STXBP5L: variants seen among roughly 807,000 people sequenced by gnomAD.
STXBP5L encodes the protein syntaxin-binding protein 5-like.
STXBP5L carries 65 observed loss-of-function variants against 144.5 expected under a neutral mutation model. The observed-to-expected ratio is 0.45, with a 90% confidence interval of 0.37 to 0.55. STXBP5L has a LOEUF of 0.55. Among genes scored for constraint, STXBP5L ranks in the 20% least tolerant of loss-of-function variants. The pLI, the probability that STXBP5L is intolerant of heterozygous loss-of-function variation, is 0.00. For synonymous variants in STXBP5L, 505 were observed against 469.6 expected (o/e 1.08, Z -0.97); for missense variants, 1,298 against 1,405.5 (o/e 0.92, Z 1.22).
rs761268477 is a variant in STXBP5L, at chr3:121,257,111, CGAT to C, written c.1660-46_1660-44del. ...TATTATGACTTAGATTAAATTAAAACGATGATTATTAGTGTGACTTAAATTAAA... is the reference window on the plus strand; with the variant it reads ...TATTATGACTTAGATTAAATTAAAACGATTATTAGTGTGACTTAAATTAAA... On this transcript the variant is annotated intron_variant, in intron 16 of 26. Transcript: ENST00000471454. 61 of 1,338,042 alleles carry C rather than the reference CGAT, an allele frequency of 4.6e-5. 1 individual carries two copies. The South Asian group carries it at 7.2e-4, about 16-fold the overall frequency. The allele number at this position is 1,338,042 out of a possible 1,614,324, so 82.9% of individuals were successfully genotyped here. A position where few individuals can be genotyped will look rare whatever the true frequency, so the allele number is the denominator to read the frequency against.
chr3:121,029,992 C>G lies in STXBP5L; in HGVS notation c.288-11708C>G, dbSNP rs751244276. Among the ~76,000 whole-genome samples, 8 of 152,240 alleles carry G rather than the reference C, an allele frequency of 5.3e-5. No individual in the cohort carries two copies. The South Asian group carries it at 1.0e-3, about 20-fold the overall frequency. ...ACTACAATGAGATACCATCTCATGCCAGTTACAATGGTGATTATTAAAAAG... is the reference window on the plus strand; with the variant it reads ...ACTACAATGAGATACCATCTCATGCGAGTTACAATGGTGATTATTAAAAAG... On this transcript the variant is annotated intron_variant, in intron 3 of 26. Coordinates refer to ENST00000471454, the MANE Select transcript of STXBP5L (RefSeq NM_001308330.2).
chr3:121,196,681 G>A (rs2047932213), intron 9 of STXBP5L, among the ~76,000 whole-genome samples: 1 of 149,940 alleles, frequency 6.7e-6, no homozygotes, highest in Non-Finnish European at 1.5e-5. Flanking sequence ...TCCTTGTTTT[G>A]AGACAGGGTC....
At chr3:121,319,058 G>A (rs754416003) in intron 20 of STXBP5L, among the ~76,000 whole-genome samples, 15 of 152,022 alleles carry the variant, frequency 9.9e-5, no homozygotes, top group Non-Finnish European at 2.1e-4. Context: ...TGAGAATAAA[G>A]ATTCCTAGGG....
intron 6 of STXBP5L, among the ~76,000 whole-genome samples, chr3:121,117,954 A>G (rs1218498111): frequency 6.6e-6 from 1 of 151,812 alleles, no homozygotes; most frequent in Non-Finnish European, 1.5e-5. Context: ...GTGATAGCAT[A>G]GAAACAGCTA....
chr3:121,129,887 G>A (rs1051964417), intron 7 of STXBP5L, among the ~76,000 whole-genome samples: 3 of 152,022 alleles, frequency 2.0e-5, no homozygotes, highest in Admixed American at 6.6e-5. Context: ...TACCAGATAT[G>A]AAGATTTTGA....
chr3:121,392,799 ATATATATATC>A (rs1560050857), intron 22 of STXBP5L, among the ~76,000 whole-genome samples: 1 of 121,664 alleles, frequency 8.2e-6, no homozygotes, highest in Non-Finnish European at 1.8e-5. Flanking sequence ...ATATATATAT[ATATATATATC>A]ACATTTTTAA....
intron 20 of STXBP5L, among the ~76,000 whole-genome samples, chr3:121,339,196 C>G (rs990756845): frequency 2.0e-5 from 3 of 152,084 alleles, no homozygotes; most frequent in Non-Finnish European, 4.4e-5. Context: ...CTAAACCCAA[C>G]AGCACATCAA....
chr3:121,314,641 G>A (rs1490317047), intron 19 of STXBP5L, among the ~76,000 whole-genome samples: 1 of 150,994 alleles, frequency 6.6e-6, no homozygotes, highest in African/African-American at 2.4e-5. Context: ...GAGAGCGTAA[G>A]CGTAAACTAA....
intron 9 of STXBP5L, among the ~76,000 whole-genome samples, chr3:121,189,348 G>A (rs1270783264): frequency 1.3e-5 from 2 of 152,186 alleles, no homozygotes; most frequent in African/African-American, 4.8e-5. Context: ...GGTTTTTACT[G>A]TTTTAGGTCT....
chr3:121,050,080 C>G (rs899640863), intron 5 of STXBP5L, among the ~76,000 whole-genome samples: 2 of 152,142 alleles, frequency 1.3e-5, no homozygotes, highest in African/African-American at 4.8e-5. Context: ...TTGCTCTTCT[C>G]TGTTCACTGT....
At chr3:120,932,051 A>G (rs1457946524) in intron 2 of STXBP5L, among the ~76,000 whole-genome samples, 1 of 152,212 alleles carries the variant, frequency 6.6e-6, no homozygotes, top group Non-Finnish European at 1.5e-5. Context: ...TTATAAACCT[A>G]TATAGCATGT....
At chr3:121,186,221 T>A (rs2047376077) in intron 9 of STXBP5L, among the ~76,000 whole-genome samples, 1 of 152,210 alleles carries the variant, frequency 6.6e-6, no homozygotes, top group Non-Finnish European at 1.5e-5. Flanking sequence ...GTTTTCTAGA[T>A]ATATAATCAT....
chr3:121,277,734 T>C (rs181005909), intron 18 of STXBP5L, among the ~76,000 whole-genome samples: 126 of 152,166 alleles, frequency 8.3e-4, no homozygotes, highest in Non-Finnish European at 1.5e-3. Context: ...TGTGCCTTTT[T>C]TTAGTAGTGT....
At chr3:121,106,213 G>A (rs1489962560) in intron 5 of STXBP5L, among the ~76,000 whole-genome samples, 1 of 151,968 alleles carries the variant, frequency 6.6e-6, no homozygotes, top group Admixed American at 6.6e-5. Context: ...GAAGAAAAAC[G>A]GATGTGTGTG....
chr3:121,149,301 A>G lies in STXBP5L; in HGVS notation c.670-3176A>G, dbSNP rs552596761. The stretch of plus-strand genomic sequence containing the variant: ...CTAATAAAAGAAATGTATAACATAT[A>G]AATCAATTTATACTTCTTTAAATCT... On this transcript the variant is annotated intron_variant, in intron 7 of 26. Transcript: ENST00000471454. Among the ~76,000 whole-genome samples the G allele has an allele frequency of 1.4e-4, 22 of 152,136 alleles. No individual in the cohort carries two copies. The South Asian group carries it at 4.3e-3, about 30-fold the overall frequency.
At chr3:121,231,248 G>C (rs1192913969) in intron 11 of STXBP5L, among the ~76,000 whole-genome samples, 2 of 152,130 alleles carry the variant, frequency 1.3e-5, no homozygotes, top group African/African-American at 4.8e-5. Context: ...TGCCTCGACT[G>C]GTGGTGGCCA....
At chr3:121,072,273 C>T (rs1366701317) in intron 5 of STXBP5L, among the ~76,000 whole-genome samples, 2 of 152,206 alleles carry the variant, frequency 1.3e-5, no homozygotes, top group African/African-American at 2.4e-5. Context: ...CTTGAGGCAG[C>T]TCCATAAAGT....
At chr3:121,132,655 T>A (rs1225056275) in intron 7 of STXBP5L, among the ~76,000 whole-genome samples, 1 of 152,014 alleles carries the variant, frequency 6.6e-6, no homozygotes, top group Non-Finnish European at 1.5e-5. Flanking sequence ...AATAAGATAA[T>A]GGAAACCAAC....
In STXBP5L at chr3:121,055,151, CTT is replaced by C. The variant is rs773495336; in HGVS notation, c.470+9617_470+9618del. 2.6e-5 allele frequency among the ~76,000 whole-genome samples: 4 copies of C among 152,042 alleles called. 1 individual carries two copies. Among genetic ancestry groups the C allele is most frequent in the Admixed American group, 2.6e-4 (4 of 15,242 alleles). On this transcript the variant is annotated intron_variant, in intron 5 of 26. Transcript: ENST00000471454. ...TTAAAGATAAATGTGATATTTATCT[CTT>C]AAGAAAGATACATACATATTGTCAT...
Sources: gnomAD v4.1 joint callset for allele counts (sites outside exome capture counted in the v4.1 genomes callset) on GRCh38, gnomAD v4.1.1 for gene constraint, MANE v1.5 for transcripts, NCBI Gene and HGNC (gene_info 2026-07-23, HGNC 2026-07-21) for gene names.